ANKRD18A: variants seen among roughly 807,000 people sequenced by gnomAD.
ANKRD18A encodes the protein ankyrin repeat domain-containing protein 18A.
ANKRD18A carries 72 observed loss-of-function variants against 110.6 expected under a neutral mutation model. The ratio of observed to expected loss-of-function variants is 0.65; its 90% CI spans 0.54 to 0.79. ANKRD18A has a LOEUF of 0.79. ANKRD18A is among the 30% of genes least tolerant of loss of function. The probability of loss-of-function intolerance (pLI) is 0.00; values close to 1 mark genes in which losing one functional copy is unlikely to be tolerated. For synonymous variants in ANKRD18A, 305 were observed against 410.3 expected, an observed-to-expected ratio of 0.74 and a Z score of 3.10; for missense variants, 934 against 1,163.3, an observed-to-expected ratio of 0.80 and a Z score of 2.87.
Position 38,573,277 on chromosome 9 carries a change from A to T in ANKRD18A, c.2965-1218T>A, listed in dbSNP as rs554055826. On this transcript the variant is annotated intron_variant, in intron 15 of 15. Transcript: ENST00000399703. ...GCTTAAATAGAAAATTAATCACATT[A>T]AGTAAAGTAAAATTTCTACTTATTC... The T allele has an allele frequency of 5.3e-4, 212 of 403,462 alleles. 3 individuals are homozygous for T. Among genetic ancestry groups the T allele is most frequent in the Admixed American group, 1.2e-3 (28 of 22,656 alleles). 25.0% of individuals were successfully genotyped at this position (403,462 alleles called of 1,614,324 possible).
chr9:38,569,516 C>T (rs1343452564), downstream of ANKRD18A: 5 of 916,294 alleles, frequency 5.5e-6, no homozygotes, highest in Non-Finnish European at 6.5e-6. Context: ...AACACAGAGG[C>T]GATGGGGACT....
At position 38,614,000 on chromosome 9, in the gene ANKRD18A, C is replaced by A. The variant is rs376773989; in HGVS notation, c.495+1594G>T. ...AAAAAGTGTTATTCTGTAAGCTGAG[C>A]GATATTGCCAATGATATTCCCTTTC... On this transcript the variant is annotated intron_variant, in intron 3 of 15. Coordinates refer to ENST00000399703, the MANE Select transcript of ANKRD18A (RefSeq NM_147195.4). Among the ~76,000 whole-genome samples the A allele has an allele frequency of 2.3e-4, 35 of 152,154 alleles. No homozygotes were observed. In the East Asian group the frequency reaches 4.4e-3, roughly 19 times the overall value.
downstream of ANKRD18A, among the ~76,000 whole-genome samples, chr9:38,570,221 C>T (rs970394857): frequency 6.6e-6 from 1 of 152,036 alleles, no homozygotes; most frequent in Admixed American, 6.5e-5. Flanking sequence ...GACCAATTTC[C>T]CACTGACCTG....
rs967726670 is a variant in ANKRD18A, at chr9:38,577,131, G to A, written c.2663C>T (p.Thr888Ile). Residue 888 changes from threonine (T) to isoleucine (I), a missense_variant, in exon 14 of 16, where the codon ACA becomes ATA. Physicochemically the swap from Thr to Ile is moderately conservative, Grantham distance 89. This residue lies in a region of ANKRD18A where 223 missense variants were observed against 226.7 expected (regional missense o/e 0.98). Transcript: ENST00000399703. Reference sequence around the variant, plus strand: ...TTCCTTAAATTCTTCTAATTCAGTTGTAACCTCTTCATAAGCAGTTTTCAT... The same window carrying A: ...TTCCTTAAATTCTTCTAATTCAGTTATAACCTCTTCATAAGCAGTTTTCAT... ...SKMKTAYEEVTTELEEFKEAF... is the reference protein window; with the variant it reads ...SKMKTAYEEVITELEEFKEAF... The A allele has an allele frequency of 1.3e-6, 2 of 1,549,568 alleles. No individual in the cohort carries two copies. Among genetic ancestry groups the A allele is most frequent in the Non-Finnish European group, 1.7e-6 (2 of 1,146,396 alleles).
downstream of ANKRD18A, chr9:38,566,821 T>C (rs2118583931): frequency 6.6e-6 from 1 of 152,238 alleles, no homozygotes; most frequent in East Asian, 1.9e-4. Flanking sequence ...ACATAGAGTT[T>C]TCAATGACCA....
At chr9:38,589,961 A>G (rs534614101) in intron 10 of ANKRD18A, among the ~76,000 whole-genome samples, 40 of 152,276 alleles carry the variant, frequency 2.6e-4, no homozygotes, top group African/African-American at 8.9e-4. Flanking sequence ...TATTATAGAC[A>G]ATATTCTCAA....
intron 4 of ANKRD18A, 26 bp from the exon 5 acceptor site, chr9:38,610,436 C>T (rs767035409): frequency 6.6e-6 from 10 of 1,524,568 alleles, no homozygotes; most frequent in Non-Finnish European, 8.8e-6. Flanking sequence ...AATAACAGCA[C>T]TCAAGAACTT....
intron 1 of ANKRD18A, among the ~76,000 whole-genome samples, chr9:38,619,506 C>T (rs2118918916): frequency 6.6e-6 from 1 of 152,182 alleles, no homozygotes; most frequent in Middle Eastern, 3.4e-3. Flanking sequence ...CTTTTCACTC[C>T]ATTATAAACA....
intron 6 of ANKRD18A, among the ~76,000 whole-genome samples, chr9:38,605,696 C>A (rs988354485): frequency 6.6e-6 from 1 of 152,166 alleles, no homozygotes; most frequent in South Asian, 2.1e-4. Flanking sequence ...TCACTGCAAT[C>A]TCCACCTCCT....
intron 7 of ANKRD18A, among the ~76,000 whole-genome samples, chr9:38,602,716 G>A (rs1825173343): frequency 6.6e-6 from 1 of 152,100 alleles, no homozygotes; most frequent in South Asian, 2.1e-4. Context: ...TGCCACCCAG[G>A]CTACAGTATA....
intron 3 of ANKRD18A, among the ~76,000 whole-genome samples, chr9:38,612,521 C>CT (rs767816627): frequency 0.07 from 8,708 of 124,204 alleles, 372 homozygotes; most frequent in Non-Finnish European, 0.095. Flanking sequence ...TTTTCTTTTT[C>CT]TTTTTTTTTT....
rs1240652530 is a variant in ANKRD18A at position 38,620,121 on chromosome 9, C to G, written c.165G>C (p.Thr55=). ...GDAAEVERCL[T]RRFRDLDARD... is the part of the protein sequence containing the mutation. ...GGGCGTCCAAGTCCCGGAACCTGCGCGTCAGGCAGCGCTCCACCTCCGCGG... is the reference window on the plus strand; with the variant it reads ...GGGCGTCCAAGTCCCGGAACCTGCGGGTCAGGCAGCGCTCCACCTCCGCGG... Residue 55 remains threonine, a synonymous_variant, in exon 1 of 16, where the codon ACG becomes ACC. Transcript: ENST00000399703. The G allele has an allele frequency of 6.4e-7, 1 of 1,566,090 alleles. No homozygotes were observed. The highest frequency in any genetic ancestry group is 8.7e-7 in the Non-Finnish European group (1 of 1,155,356).
chr9:38,606,972 C>T (rs1353488201), intron 6 of ANKRD18A, among the ~76,000 whole-genome samples: 1 of 151,758 alleles, frequency 6.6e-6, no homozygotes, highest in Admixed American at 6.6e-5. Context: ...GAATTCTAAA[C>T]TAAAGAAATT....
intron 12 of ANKRD18A, among the ~76,000 whole-genome samples, chr9:38,580,534 G>C (rs1824114626): frequency 6.6e-6 from 1 of 152,200 alleles, no homozygotes; most frequent in Non-Finnish European, 1.5e-5. Context: ...GCATTATAGA[G>C]TGAATATGGT....
chr9:38,615,236 C>A (rs1825801108), intron 3 of ANKRD18A, among the ~76,000 whole-genome samples: 1 of 152,118 alleles, frequency 6.6e-6, no homozygotes, highest in Admixed American at 6.5e-5. Flanking sequence ...AGCAAGACTT[C>A]CATTTATTGT....
chr9:38,596,159 A>T lies in ANKRD18A; in HGVS notation c.1181T>A (p.Leu394Gln), dbSNP rs1429629343. 1.9e-5 allele frequency: 30 copies of T among 1,548,808 alleles called. No homozygotes were observed. The highest frequency in any genetic ancestry group is 2.5e-5 in the Non-Finnish European group (29 of 1,146,100). ...VARYSQQLND[L>Q]KAENARLNSE... ...ATTCAGCCTTGCATTCTCAGCTTTC[A>T]GATCATTAAGCTGTTGCGAATACCG... Residue 394 changes from leucine to glutamine, a missense_variant, in exon 9 of 16, where the codon CTG (leucine) becomes CAG (glutamine). By Grantham distance (113) the Leu-to-Gln change is moderately radical. This residue lies in a region of ANKRD18A where 630 missense variants were observed against 797.5 expected (regional missense o/e 0.79). Transcript: ENST00000399703.
intron 7 of ANKRD18A, among the ~76,000 whole-genome samples, chr9:38,602,068 C>A (rs534696045): frequency 6.7e-6 from 1 of 149,596 alleles, no homozygotes. Flanking sequence ...CTTTTCTCCA[C>A]GTACACAGGT....
At chr9:38,570,679 T>C (rs1281820775), downstream of ANKRD18A, among the ~76,000 whole-genome samples, 1 of 152,242 alleles carries the variant, frequency 6.6e-6, no homozygotes, top group African/African-American at 2.4e-5. Flanking sequence ...AAAGTCTCAT[T>C]ACAATGCCAC....
chr9:38,573,489 G>A (rs1251362671), intron 15 of ANKRD18A, among the ~76,000 whole-genome samples: 1 of 152,090 alleles, frequency 6.6e-6, no homozygotes, highest in Non-Finnish European at 1.5e-5. Flanking sequence ...GGCAAATGTG[G>A]GCAGATCACA....
Sources: allele counts gnomAD v4.1 joint callset (sites outside exome capture counted in the v4.1 genomes callset), GRCh38; gene constraint gnomAD v4.1.1; regional missense constraint gnomAD v4.1.1; transcripts MANE v1.5; gene names NCBI Gene and HGNC (gene_info 2026-07-23, HGNC 2026-07-21).